SCHIP1: variants seen among roughly 807,000 people sequenced by gnomAD.
SCHIP1 encodes the protein schwannomin interacting protein 1, also known as schwannomin-interacting protein 1.
A neutral mutation model predicts 29.7 loss-of-function variants in SCHIP1; 8 were observed. The observed-to-expected ratio is 0.27, with a 90% CI of 0.16 to 0.49. The LOEUF (loss-of-function observed/expected upper bound fraction) is 0.49. Among genes scored for constraint, SCHIP1 ranks in the 20% least tolerant of loss-of-function variants. SCHIP1 has a pLI of 0.99. For missense variants in SCHIP1, 193 were observed against 294.6 expected, an observed-to-expected ratio of 0.66 and a Z score of 2.52; for synonymous variants, 76 against 94.9, an observed-to-expected ratio of 0.80 and a Z score of 1.16.
chr3:159,304,338 T>C, the SCHIP1 span, among the ~76,000 whole-genome samples: 1 of 152,200 alleles, frequency 6.6e-6, no homozygotes, highest in Admixed American at 6.5e-5. Context: ...TTTAAAACTT[T>C]ACAGCTCTCC....
chr3:159,581,121 C>T, the SCHIP1 span, among the ~76,000 whole-genome samples: 41 of 152,168 alleles, frequency 2.7e-4, 1 homozygote, highest in Admixed American at 9.2e-4. Flanking sequence ...TTGGGGAAGA[C>T]GACTTCTGCT....
the SCHIP1 span, among the ~76,000 whole-genome samples, chr3:159,642,255 G>C: frequency 1.9e-4 from 29 of 152,102 alleles, no homozygotes; most frequent in Non-Finnish European, 1.5e-4. Flanking sequence ...GTAGTGATAA[G>C]AGTAATACTG....
the SCHIP1 span, among the ~76,000 whole-genome samples, chr3:159,600,173 A>G: frequency 6.6e-6 from 1 of 152,138 alleles, no homozygotes; most frequent in African/African-American, 2.4e-5. Context: ...AGGGATTCTG[A>G]TTATAACATA....
At chr3:159,800,795 G>A in the SCHIP1 span, among the ~76,000 whole-genome samples, 1 of 151,908 alleles carries the variant, frequency 6.6e-6, no homozygotes, top group Non-Finnish European at 1.5e-5. Context: ...TACAATCCAG[G>A]CAGATTTCTA....
intron 3 of SCHIP1, 55 bp downstream of exon 4, chr3:159,886,379 GCTT>G: frequency 6.5e-7 from 1 of 1,528,742 alleles, no homozygotes; most frequent in Non-Finnish European, 9.0e-7. Context: ...GGGCCATTTA[GCTT>G]CTTTTCTGTT....
At chr3:159,431,121 G>A in the SCHIP1 span, among the ~76,000 whole-genome samples, 2 of 151,058 alleles carry the variant, frequency 1.3e-5, no homozygotes, top group Non-Finnish European at 3.0e-5. Flanking sequence ...TTAATTCAGC[G>A]AGGAAAAAAA....
the SCHIP1 span, among the ~76,000 whole-genome samples, chr3:159,316,231 A>G: frequency 6.6e-6 from 1 of 152,152 alleles, no homozygotes; most frequent in Non-Finnish European, 1.5e-5. Flanking sequence ...GTATTAACTT[A>G]CACGGTCACA....
At chr3:159,738,448 T>G in the SCHIP1 span, among the ~76,000 whole-genome samples, 48 of 152,314 alleles carry the variant, frequency 3.2e-4, no homozygotes, top group African/African-American at 1.1e-3. Flanking sequence ...GTAATGACAT[T>G]TCTAGTTTAG....
the SCHIP1 span, among the ~76,000 whole-genome samples, chr3:159,560,334 C>T: frequency 6.6e-6 from 1 of 152,140 alleles, no homozygotes; most frequent in Non-Finnish European, 1.5e-5. Flanking sequence ...GAATTGTGCT[C>T]AGGAATGGTA....
chr3:159,414,148 T>G, the SCHIP1 span, among the ~76,000 whole-genome samples: 1 of 152,126 alleles, frequency 6.6e-6, no homozygotes, highest in Admixed American at 6.5e-5. Context: ...GCATCAGAAA[T>G]GGAGAAAAGG....
the SCHIP1 span, among the ~76,000 whole-genome samples, chr3:159,347,773 CCTT>C: frequency 6.6e-6 from 1 of 152,116 alleles, no homozygotes. Context: ...CTCACAATTT[CCTT>C]TTTTTGTCCA....
chr3:159,323,664 A>G, the SCHIP1 span, among the ~76,000 whole-genome samples: 2 of 152,244 alleles, frequency 1.3e-5, no homozygotes, highest in African/African-American at 4.8e-5. Context: ...GGAAATAAAG[A>G]CCAACCAAAT....
At chr3:159,389,969 T>C in the SCHIP1 span, among the ~76,000 whole-genome samples, 2 of 152,092 alleles carry the variant, frequency 1.3e-5, no homozygotes, top group African/African-American at 4.8e-5. Context: ...TGGAAAAAGA[T>C]AATCTCAAAC....
chr3:159,679,286 T>C, the SCHIP1 span, among the ~76,000 whole-genome samples: 3 of 152,144 alleles, frequency 2.0e-5, no homozygotes, highest in African/African-American at 4.8e-5. Context: ...GCTACTACCA[T>C]GTTCAAAGAC....
At chr3:159,380,170 T>C in the SCHIP1 span, among the ~76,000 whole-genome samples, 11 of 152,124 alleles carry the variant, frequency 7.2e-5, no homozygotes, top group Non-Finnish European at 1.2e-4. Flanking sequence ...AGTTCTTTCA[T>C]TGAAAAAACT....
chr3:159,482,486 T>C, the SCHIP1 span, among the ~76,000 whole-genome samples: 1 of 152,298 alleles, frequency 6.6e-6, no homozygotes, highest in Non-Finnish European at 1.5e-5. Context: ...TGAATGTGGT[T>C]CACAAATGTA....
the SCHIP1 span, among the ~76,000 whole-genome samples, chr3:159,694,644 G>A: frequency 2.0e-5 from 3 of 152,070 alleles, no homozygotes; most frequent in Non-Finnish European, 4.4e-5. Context: ...AAAAAGTAAA[G>A]GATTGCATAT....
At chr3:159,369,997 G>A in the SCHIP1 span, among the ~76,000 whole-genome samples, 1 of 152,068 alleles carries the variant, frequency 6.6e-6, no homozygotes, top group Non-Finnish European at 1.5e-5. Context: ...CATGAGTTCT[G>A]GTCCCATATT....
At chr3:159,312,801 A>T in the SCHIP1 span, among the ~76,000 whole-genome samples, 1 of 152,110 alleles carries the variant, frequency 6.6e-6, no homozygotes, top group Non-Finnish European at 1.5e-5. Flanking sequence ...AAAAAGGCAA[A>T]AATTATCAAC....
Sources: allele counts gnomAD v4.1 joint callset (sites outside exome capture counted in the v4.1 genomes callset), GRCh38; gene constraint gnomAD v4.1.1; transcripts MANE v1.5; gene names NCBI Gene and HGNC (gene_info 2026-07-23, HGNC 2026-07-21).